The following CACNA1E variants were observed in gnomAD, a reference collection of about 807,000 sequenced individuals.
CACNA1E encodes calcium voltage-gated channel subunit alpha1 E.
Under a neutral mutation model 259.2 loss-of-function variants are expected in CACNA1E, and 40 were observed. The ratio of observed to expected loss-of-function variants is 0.15; its 90% confidence interval spans 0.12 to 0.20. CACNA1E has a LOEUF of 0.20. CACNA1E is among the 10% of genes least tolerant of loss of function. The pLI is 1.00. For missense variants in CACNA1E, 1,874 were observed against 3,040.1 expected (o/e 0.62, Z 9.02); for synonymous variants, 1,104 against 1,138.5 (o/e 0.97, Z 0.61).
At chr1:181,695,551 G>C (rs1056947480) in intron 7 of CACNA1E, among the ~76,000 whole-genome samples, 1 of 152,336 alleles carries the variant, frequency 6.6e-6, no homozygotes, top group Admixed American at 6.5e-5. Context: ...GAACAGATTA[G>C]AGAGCCCCTC....
At chr1:181,793,046 TACAACATGGTTA>T (rs538180103) in intron 44 of CACNA1E, among the ~76,000 whole-genome samples, 174 of 152,364 alleles carry the variant, frequency 1.1e-3, no homozygotes, top group Admixed American at 2.1e-3. Context: ...TTTCACCTTT[TACAACATGGTTA>T]ACAACATGGT....
At position 181,758,444 on chromosome 1, in the gene CACNA1E, A is replaced by G. The variant is rs758738900; in HGVS notation, c.4495-314A>G. ...AGCCTTGGAGTATTCAGAGAGGCTC[A>G]TCCTATTTAATATTAAATGACTAAC... is the stretch of plus-strand genomic sequence containing the variant. On this transcript the variant is annotated intron_variant, in intron 31 of 47. Coordinates refer to ENST00000367573, the MANE Select transcript of CACNA1E (RefSeq NM_001205293.3). The surrounding 1 kb of genome is among the most constrained non-coding windows in gnomAD (Gnocchi z 4.2). 8.5e-5 allele frequency among the ~76,000 whole-genome samples: 13 copies of G among 152,346 alleles called. No individual in the cohort carries two copies. Among genetic ancestry groups the G allele is most frequent in the Non-Finnish European group, 1.3e-4 (9 of 68,030 alleles).
chr1:181,564,900 T>C (rs80203034), intron 3 of CACNA1E, among the ~76,000 whole-genome samples: 17 of 148,182 alleles, frequency 1.1e-4, no homozygotes, highest in Non-Finnish European at 1.5e-5. Context: ...TTTTTTTTTT[T>C]CTGAGCAGGT....
At chr1:181,647,575 G>A (rs1270390553) in intron 6 of CACNA1E, among the ~76,000 whole-genome samples, 5 of 152,158 alleles carry the variant, frequency 3.3e-5, no homozygotes, top group African/African-American at 1.2e-4. Flanking sequence ...CACTTCACGT[G>A]CTTTCTGGGT....
At chr1:181,729,463 C>T (rs1330663419) in intron 18 of CACNA1E, among the ~76,000 whole-genome samples, 1 of 152,248 alleles carries the variant, frequency 6.6e-6, no homozygotes, top group Non-Finnish European at 1.5e-5. Flanking sequence ...CATGAAGAAA[C>T]ACAGAAGAAG....
At chr1:181,622,450 C>A (rs1024328665) in intron 6 of CACNA1E, among the ~76,000 whole-genome samples, 1 of 152,176 alleles carries the variant, frequency 6.6e-6, no homozygotes, top group Non-Finnish European at 1.5e-5. Flanking sequence ...GGCTGGGAGT[C>A]CTAGAGCCAA....
intron 43 of CACNA1E, among the ~76,000 whole-genome samples, chr1:181,788,790 A>G (rs182376861): frequency 7.9e-5 from 12 of 152,176 alleles, no homozygotes; most frequent in Non-Finnish European, 1.6e-4. Context: ...ACTCTGTGAG[A>G]TTATTAAGTG....
At chr1:181,545,201 A>T (rs899130907) in intron 3 of CACNA1E, among the ~76,000 whole-genome samples, 1 of 152,210 alleles carries the variant, frequency 6.6e-6, no homozygotes, top group Admixed American at 6.5e-5. Context: ...AGGGGATGAA[A>T]ACAGGTTGGG....
chr1:181,341,689 C>A (rs999942025), intron 1 of CACNA1E, among the ~76,000 whole-genome samples: 1 of 152,198 alleles, frequency 6.6e-6, no homozygotes, highest in Admixed American at 6.5e-5. Context: ...TGTTAATCTC[C>A]TGCCTCTCTT....
rs369758450 is a variant in CACNA1E at position 181,798,612 on chromosome 1, C to T, written c.6720C>T (p.His2240=). 9.9e-6 allele frequency: 16 copies of T among 1,612,992 alleles called. No individual in the cohort carries two copies. The highest frequency in any genetic ancestry group is 1.6e-4 in the Middle Eastern group (1 of 6,080). The change falls in exon 48 of 48, where the codon CAC becomes CAT. Residue 2240 remains histidine, a synonymous_variant. Transcript: ENST00000367573. The surrounding 1 kb of genome is among the most constrained non-coding windows in gnomAD (Gnocchi z 4.2). The part of the protein sequence containing the change: ...EPYLALHEDS[H]ASDCGEEETL... ...ACTTGGCCCTGCACGAAGACTCCCACGCCTCAGACTGTGGTGAGGAGGAGA... is the reference window on the plus strand; with the variant it reads ...ACTTGGCCCTGCACGAAGACTCCCATGCCTCAGACTGTGGTGAGGAGGAGA...
intron 6 of CACNA1E, among the ~76,000 whole-genome samples, chr1:181,644,379 G>C (rs1238389372): frequency 6.6e-6 from 1 of 152,166 alleles, no homozygotes; most frequent in South Asian, 2.1e-4. Flanking sequence ...TGATGAGTTG[G>C]ATGACTTGTT....
intron 1 of CACNA1E, among the ~76,000 whole-genome samples, chr1:181,493,050 A>C (rs1196041830): frequency 6.6e-6 from 1 of 152,180 alleles, no homozygotes; most frequent in Non-Finnish European, 1.5e-5. Context: ...CCTCTAGTAC[A>C]GTGTTTGTTC....
intron 1 of CACNA1E, among the ~76,000 whole-genome samples, chr1:181,405,787 C>A (rs2102109808): frequency 6.6e-6 from 1 of 152,332 alleles, no homozygotes; most frequent in East Asian, 1.9e-4. Context: ...ATATACACCA[C>A]TTCTAGGCCT....
At chr1:181,503,250 A>G (rs1013668375) in intron 1 of CACNA1E, among the ~76,000 whole-genome samples, 1 of 152,226 alleles carries the variant, frequency 6.6e-6, no homozygotes, top group Non-Finnish European at 1.5e-5. Flanking sequence ...CGAGGGTCAT[A>G]TGATCTCACC....
intron 1 of CACNA1E, among the ~76,000 whole-genome samples, chr1:181,386,168 G>T (rs780584090): frequency 1.3e-5 from 2 of 152,142 alleles, no homozygotes; most frequent in Non-Finnish European, 2.9e-5. Context: ...TGATAGTGGG[G>T]CTCTGATGGT....
chr1:181,580,655 A>G lies in CACNA1E; in HGVS notation c.830A>G (p.Tyr277Cys). ...GGTGTGCAGGGCTGCCCAGCTGGTT[A>G]TGAATGCAAGGACTGGATCGGCCCC... Reference protein sequence around the residue: ...PCGVQGCPAGYECKDWIGPND... With the variant: ...PCGVQGCPAGCECKDWIGPND... Residue 277 changes from tyrosine to cysteine, a missense_variant, in exon 6 of 48, where the codon TAT (tyrosine) becomes TGT (cysteine). This residue lies in a region of CACNA1E where 28 missense variants were observed against 64.6 expected (regional missense o/e 0.43). Transcript: ENST00000367573. 6.2e-7 allele frequency: 1 copy of G among 1,614,038 alleles called. No individual in the cohort carries two copies. Among genetic ancestry groups the G allele is most frequent in the Non-Finnish European group, 8.5e-7 (1 of 1,179,874 alleles).
intron 6 of CACNA1E, among the ~76,000 whole-genome samples, chr1:181,611,022 A>G (rs1197309555): frequency 1.3e-5 from 2 of 152,194 alleles, no homozygotes; most frequent in East Asian, 1.9e-4. Context: ...CTTAGCCTCT[A>G]CCAGTTCTGA....
At chr1:181,639,124 G>A (rs1657511698) in intron 6 of CACNA1E, among the ~76,000 whole-genome samples, 1 of 150,174 alleles carries the variant, frequency 6.7e-6, no homozygotes. Flanking sequence ...GTCTCGCTAT[G>A]TCTCCCAGGC....
chr1:181,630,333 C>T (rs1656597356), intron 6 of CACNA1E, among the ~76,000 whole-genome samples: 1 of 151,750 alleles, frequency 6.6e-6, no homozygotes, highest in South Asian at 2.1e-4. Flanking sequence ...CTCTCCACCT[C>T]TTCCTGAGGG....
Sources: allele counts gnomAD v4.1 joint callset (sites outside exome capture counted in the v4.1 genomes callset), GRCh38; gene constraint gnomAD v4.1.1; regional missense constraint gnomAD v4.1.1; non-coding constraint Gnocchi (gnomAD v3.1); transcripts MANE v1.5; gene names NCBI Gene and HGNC (gene_info 2026-07-23, HGNC 2026-07-21).